NEK4: variants seen among roughly 807,000 people sequenced by gnomAD.
The protein encoded by NEK4 is NIMA related kinase 4, also known as serine/threonine-protein kinase Nek4.
A neutral mutation model predicts 98.4 loss-of-function variants in NEK4; 86 were observed. That is an observed-to-expected ratio of 0.87 (90% CI 0.73 to 1.05). The LOEUF (loss-of-function observed/expected upper bound fraction) is 1.05, where lower values mean the gene tolerates loss of function less well. Ranked by LOEUF, NEK4 falls within the 50% of genes least tolerant of loss-of-function variation. The pLI is 0.00. For synonymous variants in NEK4, 328 were observed against 342.2 expected (o/e 0.96, Z 0.46); for missense variants, 898 against 950.3 (o/e 0.94, Z 0.72).
At chr3:52,751,836 C>T in intron 7 of NEK4, 96 bp downstream of exon 7, 2 of 1,202,362 alleles carry the variant, frequency 1.7e-6, no homozygotes, top group South Asian at 1.5e-5. Flanking sequence ...CATAGAATTA[C>T]TGATTTTCCT....
At chr3:52,733,810 T>C (rs2097372267) in intron 15 of NEK4, 2 of 399,082 alleles carry the variant, frequency 5.0e-6, no homozygotes, top group South Asian at 3.9e-5. Context: ...ATTTACACCT[T>C]GCATGACATT....
At chr3:52,729,671 G>A (rs1213413124) in intron 15 of NEK4, among the ~76,000 whole-genome samples, 1 of 144,442 alleles carries the variant, frequency 6.9e-6, no homozygotes, top group East Asian at 2.0e-4. Context: ...TCATGCCACT[G>A]CACTCTAGCC....
chr3:52,730,046 T>G (rs1163355554), intron 15 of NEK4, among the ~76,000 whole-genome samples: 8 of 152,178 alleles, frequency 5.3e-5, no homozygotes, highest in Non-Finnish European at 1.0e-4. Context: ...AGGCAGAGAT[T>G]GCAGCAAGCT....
rs148626548 is a variant in NEK4, at chr3:52,734,013, G to A, written c.2433+3573C>T. On this transcript the variant is annotated intron_variant, in intron 15 of 15. Coordinates refer to ENST00000233027, the MANE Select transcript of NEK4 (RefSeq NM_003157.6). ...AGTACTCATCTACTGATCCACACAC[G>A]GAAAGGTAACCTTACAAATGTAAAG... is the stretch of plus-strand genomic sequence containing the variant. 630 of 162,342 alleles carry A rather than the reference G, an allele frequency of 3.9e-3. 1 individual carries two copies. The highest frequency in any genetic ancestry group is 6.7e-3 in the Admixed American group (107 of 16,068). The allele number at this position is 162,342 out of a possible 1,614,324, so 10.1% of individuals were successfully genotyped here.
Position 52,770,671 on chromosome 3 carries a change from G to C in NEK4, c.76C>G (p.Arg26Gly). The stretch of plus-strand genomic sequence containing the variant: ...CTGCAGACCTGCTTGCCGTCCCGCC[G>C]GTGCTTCACAAGCGTCACCTCTCCA... The part of the protein sequence containing the change: ...SYGEVTLVKH[R>G]RDGKQYVIKK... Residue 26 changes from arginine (R) to glycine (G), a missense_variant, in exon 1 of 16, where the codon CGG becomes GGG. Transcript: ENST00000233027. 1 of 1,561,906 alleles carries C rather than the reference G, an allele frequency of 6.4e-7. No homozygotes were observed. The highest frequency in any genetic ancestry group is 8.7e-7 in the Non-Finnish European group (1 of 1,153,904).
rs2097396967 is a variant in NEK4, at chr3:52,746,828, G to A, written c.1583C>T (p.Ser528Phe). The A allele has an allele frequency of 1.2e-6, 2 of 1,613,934 alleles. No homozygotes were observed. Among genetic ancestry groups the A allele is most frequent in the African/African-American group, 2.7e-5 (2 of 74,936 alleles). Residue 528 changes from serine (S) to phenylalanine (F), a missense_variant, in exon 9 of 16, where the codon TCT becomes TTT. Transcript: ENST00000233027. ...TCGCTGTCGAGACAGGGAAGGTTCA[G>A]ACCCAGAGTTGTGTGGCTGTAAATC... ...HPDLQPHNSG[S>F]EPSLSRQRRQ...
In NEK4 at chr3:52,710,220, C is replaced by G. The variant is rs2097349026; in HGVS notation, c.*1557G>C. On this transcript the variant is annotated 3_prime_UTR_variant, in exon 16 of 16. Coordinates refer to ENST00000233027, the MANE Select transcript of NEK4 (RefSeq NM_003157.6). ...TACTAAAAAAATACAAAAAAATTAGCCGGGCATGGTGGCGGGCAACTGTAG... is the reference window on the plus strand; with the variant it reads ...TACTAAAAAAATACAAAAAAATTAGGCGGGCATGGTGGCGGGCAACTGTAG... The G allele has an allele frequency of 6.6e-6, 1 of 151,730 alleles. No homozygotes were observed. The highest frequency in any genetic ancestry group is 2.4e-5 in the African/African-American group (1 of 41,306). The allele number at this position is 151,730 out of a possible 1,614,324, so 9.4% of individuals were successfully genotyped here.
intron 6 of NEK4, chr3:52,753,632 A>G: frequency 3.4e-6 from 2 of 586,228 alleles, no homozygotes; most frequent in Non-Finnish European, 6.8e-6. Flanking sequence ...TATGCCAAAG[A>G]AACAGCTGCC....
rs1183665389 is a variant in NEK4, at chr3:52,709,432, TGTG to T, written c.*2342_*2344del. ...ATAAGAAAGTATGGGGGAAGTCAGG[TGTG>T]GTGGTTCATGCCTATAATCCCAGCA... On this transcript the variant is annotated 3_prime_UTR_variant, in exon 16 of 16. Coordinates refer to ENST00000233027, the MANE Select transcript of NEK4 (RefSeq NM_003157.6). 6.6e-6 allele frequency: 1 copy of T among 151,784 alleles called. No individual in the cohort carries two copies. The highest frequency in any genetic ancestry group is 1.5e-5 in the Non-Finnish European group (1 of 67,960). 9.4% of individuals were successfully genotyped at this position (151,784 alleles called of 1,614,324 possible).
intron 15 of NEK4, among the ~76,000 whole-genome samples, chr3:52,720,196 TAGCTAGGACTACAGAC>T (rs766113175): frequency 1.1e-4 from 16 of 151,808 alleles, no homozygotes; most frequent in East Asian, 5.8e-4. Context: ...AGCAGATGAG[TAGCTAGGACTACAGAC>T]AGCTAGGACT....
At position 52,763,608 on chromosome 3, in the gene NEK4, C is replaced by G. The variant is rs1559449396; in HGVS notation, c.683G>C (p.Arg228Thr). The G allele has an allele frequency of 6.3e-7, 1 of 1,597,224 alleles. No homozygotes were observed. Among genetic ancestry groups the G allele is most frequent in the South Asian group, 1.1e-5 (1 of 87,836 alleles). ...IIEGKLPPMP[R>T]DYSPELAELI... The stretch of plus-strand genomic sequence containing the variant: ...TTCTGCCAGCTCTGGGCTGTAATCT[C>G]TTGGCATTGGTGGCAGCTACAAATA... Residue 228 changes from arginine to threonine, a missense_variant, in exon 5 of 16, where the codon AGA becomes ACA. Physicochemically the swap from Arg to Thr is moderately conservative, Grantham distance 71. Coordinates refer to ENST00000233027, the MANE Select transcript of NEK4 (RefSeq NM_003157.6).
chr3:52,770,344 A>G (rs1698729657), intron 1 of NEK4, among the ~76,000 whole-genome samples: 1 of 151,852 alleles, frequency 6.6e-6, no homozygotes, highest in South Asian at 2.1e-4. Context: ...AGGTGTGTAG[A>G]TCACGCATGC....
At chr3:52,764,672 T>C (rs1698484158) in intron 4 of NEK4, among the ~76,000 whole-genome samples, 1 of 151,516 alleles carries the variant, frequency 6.6e-6, no homozygotes, top group Admixed American at 6.6e-5. Flanking sequence ...GAAGGATGTG[T>C]TCCTCATATA....
chr3:52,728,601 T>C (rs889608779), intron 15 of NEK4, among the ~76,000 whole-genome samples: 3 of 152,142 alleles, frequency 2.0e-5, no homozygotes, highest in African/African-American at 7.2e-5. Context: ...ATGAAGTCAG[T>C]GCACCTTGAA....
chr3:52,740,796 A>C (rs2097384489), intron 13 of NEK4, among the ~76,000 whole-genome samples: 1 of 148,538 alleles, frequency 6.7e-6, no homozygotes, highest in Non-Finnish European at 1.5e-5. Context: ...TGTCTCAAAA[A>C]ATAAATAAAT....
rs1249852988 is a variant in NEK4 at position 52,711,633 on chromosome 3, T to C, written c.*144A>G. ...ATTATTCTGTTCTGTCCAATTTCTT[T>C]TCTGTAGGGAAACGCCAAAGAGATA... On this transcript the variant is annotated 3_prime_UTR_variant, in exon 16 of 16. Coordinates refer to ENST00000233027, the MANE Select transcript of NEK4 (RefSeq NM_003157.6). The C allele has an allele frequency of 4.9e-6, 3 of 611,864 alleles. No individual in the cohort carries two copies. In the Admixed American group the frequency reaches 8.2e-5, roughly 17 times the overall value. 37.9% of individuals were successfully genotyped at this position (611,864 alleles called of 1,614,324 possible). A position where few individuals can be genotyped will look rare whatever the true frequency, so the allele number is the denominator to read the frequency against.
chr3:52,726,442 C>CA (rs199608939), intron 15 of NEK4, among the ~76,000 whole-genome samples: 14,376 of 151,484 alleles, frequency 0.095, 1,704 homozygotes, highest in African/African-American at 0.28. Flanking sequence ...TCTAAAAATA[C>CA]AAAAAAATTA....
At chr3:52,757,572 A>C (rs940279803) in intron 6 of NEK4, among the ~76,000 whole-genome samples, 1 of 151,566 alleles carries the variant, frequency 6.6e-6, no homozygotes, top group African/African-American at 2.4e-5. Context: ...AAAAAAAAAA[A>C]GAAAAAAGAA....
At chr3:52,719,159 A>G (rs2097357855) in intron 15 of NEK4, among the ~76,000 whole-genome samples, 1 of 152,220 alleles carries the variant, frequency 6.6e-6, no homozygotes, top group Admixed American at 6.5e-5. Flanking sequence ...ATAAAAAGTC[A>G]CTTTATACCA....
Sources: gnomAD v4.1 joint callset for allele counts (sites outside exome capture counted in the v4.1 genomes callset) on GRCh38, gnomAD v4.1.1 for gene constraint, MANE v1.5 for transcripts, NCBI Gene and HGNC (gene_info 2026-07-23, HGNC 2026-07-21) for gene names.